ADAM9: variants seen among roughly 807,000 people sequenced by gnomAD.
ADAM9 encodes the protein disintegrin and metalloproteinase domain-containing protein 9.
A neutral mutation model predicts 108.1 loss-of-function variants in ADAM9; 54 were observed. The ratio of observed to expected loss-of-function variants is 0.50; its 90% CI spans 0.40 to 0.63. The LOEUF is 0.63. ADAM9 is among the 20% of genes least tolerant of loss of function. The probability of loss-of-function intolerance (pLI) is 0.00; values close to 1 mark genes in which losing one functional copy is unlikely to be tolerated. For synonymous variants in ADAM9, 316 were observed against 336.0 expected (o/e 0.94, Z 0.65); for missense variants, 830 against 997.7 (o/e 0.83, Z 2.26).
At chr8:39,012,088 T>C (rs571531760) in intron 3 of ADAM9, among the ~76,000 whole-genome samples, 77 of 152,188 alleles carry the variant, frequency 5.1e-4, no homozygotes, top group African/African-American at 1.8e-3. Flanking sequence ...TTAATAAAGG[T>C]AAAGGATATA....
chr8:39,089,332 C>T (rs1220823612), intron 18 of ADAM9, among the ~76,000 whole-genome samples: 2 of 152,068 alleles, frequency 1.3e-5, no homozygotes, highest in African/African-American at 2.4e-5. Flanking sequence ...TTTCACCTGC[C>T]TGGTTGGCAA....
At chr8:38,997,272 G>A (rs1835846723) in intron 1 of ADAM9, 112 bp downstream of exon 1, 5 of 1,266,160 alleles carry the variant, frequency 3.9e-6, no homozygotes, top group East Asian at 5.1e-5. Flanking sequence ...GATCGGACCC[G>A]GGGTCGGGGG....
intron 8 of ADAM9, among the ~76,000 whole-genome samples, chr8:39,022,097 T>TGTGTGTGTGTGA (rs1356591377): frequency 1.5e-5 from 2 of 136,214 alleles, no homozygotes; most frequent in African/African-American, 6.1e-5. Flanking sequence ...TGTGTGTGTG[T>TGTGTGTGTGTGA]GAGAGAGAGA....
chr8:39,077,272 T>C lies in ADAM9; in HGVS notation c.1742T>C (p.Ile581Thr). 1 of 1,614,192 alleles carries C rather than the reference T, an allele frequency of 6.2e-7. No individual in the cohort carries two copies. The highest frequency in any genetic ancestry group is 2.2e-5 in the East Asian group (1 of 44,886). The change falls in exon 16 of 22, where the codon ATA becomes ACA. Residue 581 changes from isoleucine (I) to threonine (T), a missense_variant. Physicochemically the swap from Ile to Thr is moderately conservative, Grantham distance 89. Transcript: ENST00000487273. ...GKLQCENVQE[I>T]PVFGIVPAII... Reference sequence around the variant, plus strand: ...CTTCAGTGTGAGAATGTACAAGAGATACCTGTATTTGGAATTGTGCCTGCT... The same window carrying C: ...CTTCAGTGTGAGAATGTACAAGAGACACCTGTATTTGGAATTGTGCCTGCT...
At chr8:39,038,991 C>T (rs896200694) in intron 11 of ADAM9, among the ~76,000 whole-genome samples, 4 of 151,930 alleles carry the variant, frequency 2.6e-5, no homozygotes, top group Non-Finnish European at 5.9e-5. Context: ...GTTAACAGTA[C>T]CAAAATGTTC....
rs758010022 is a variant in ADAM9, at chr8:39,077,311, C to G, written c.1781C>G (p.Pro594Arg). The G allele has an allele frequency of 6.2e-7, 1 of 1,614,034 alleles. No individual in the cohort carries two copies. The highest frequency in any genetic ancestry group is 8.5e-7 in the Non-Finnish European group (1 of 1,179,990). The change falls in exon 16 of 22, where the codon CCT (proline) becomes CGT (arginine). Residue 594 changes from proline (P) to arginine (R), a missense_variant. By Grantham distance (103) the Pro-to-Arg change is moderately radical. Around this residue, in one of 3 missense-constraint regions of ADAM9, gnomAD observed 381 missense variants for 539.8 expected, o/e 0.71. Coordinates refer to ENST00000487273, the MANE Select transcript of ADAM9 (RefSeq NM_003816.3). ...ATTGTGCCTGCTATTATTCAAACGC[C>G]TAGTCGAGGCACCAAATGTTGGGGT... ...FGIVPAIIQT[P>R]SRGTKCWGVD... is the part of the protein sequence containing the mutation.
At position 38,997,035 on chromosome 8, in the gene ADAM9, G is replaced by C; in HGVS notation, c.-29G>C. The C allele has an allele frequency of 6.2e-7, 1 of 1,603,310 alleles. No individual in the cohort carries two copies. The highest frequency in any genetic ancestry group is 8.5e-7 in the Non-Finnish European group (1 of 1,178,902). ...GAGGCGGAGGTGGAGGCGACCGAGTGCTGAGAGGAACCTGCGGAATCGGCC... is the reference window on the plus strand; with the variant it reads ...GAGGCGGAGGTGGAGGCGACCGAGTCCTGAGAGGAACCTGCGGAATCGGCC... On this transcript the variant is annotated 5_prime_UTR_variant, in exon 1 of 22. Transcript: ENST00000487273.
At chr8:39,092,608 T>A (rs1176376956) in intron 20 of ADAM9, among the ~76,000 whole-genome samples, 1 of 152,110 alleles carries the variant, frequency 6.6e-6, no homozygotes, top group Non-Finnish European at 1.5e-5. Flanking sequence ...GTTTTCAAGA[T>A]TTTTTTGTAA....
chr8:39,032,064 G>A (rs1176245629), intron 11 of ADAM9, among the ~76,000 whole-genome samples: 1 of 152,162 alleles, frequency 6.6e-6, no homozygotes, highest in Admixed American at 6.5e-5. Flanking sequence ...AGGGGCACCC[G>A]CCTGTGTGAG....
intron 4 of ADAM9, chr8:39,015,608 G>A (rs1183325069): frequency 6.5e-6 from 1 of 153,060 alleles, no homozygotes; most frequent in East Asian, 1.9e-4. Flanking sequence ...AGACTGTCAT[G>A]TATTATAATG....
chr8:39,027,959 G>A (rs533862109), intron 11 of ADAM9, among the ~76,000 whole-genome samples: 64 of 152,146 alleles, frequency 4.2e-4, no homozygotes, highest in African/African-American at 1.4e-3. Flanking sequence ...GTGTTGGTGC[G>A]TGCCTGTAGT....
intron 10 of ADAM9, among the ~76,000 whole-genome samples, 188 bp from the exon 11 acceptor site, chr8:39,026,488 TC>T (rs1484270358): frequency 1.4e-4 from 22 of 152,260 alleles, no homozygotes; most frequent in African/African-American, 5.1e-4. Flanking sequence ...TCCATGTCCA[TC>T]ACGTGTGTGA....
chr8:39,071,519 T>C (rs1838690956), intron 15 of ADAM9, 116 bp downstream of exon 15: 2 of 927,224 alleles, frequency 2.2e-6, no homozygotes, highest in Non-Finnish European at 3.2e-6. Context: ...CAGGCTGGAG[T>C]GCAGTGGCGC....
intron 1 of ADAM9, among the ~76,000 whole-genome samples, chr8:39,001,049 G>C (rs1324848166): frequency 6.6e-6 from 1 of 152,126 alleles, no homozygotes; most frequent in Non-Finnish European, 1.5e-5. Flanking sequence ...CCTTCTAGTA[G>C]TGTAGAATCT....
intron 20 of ADAM9, among the ~76,000 whole-genome samples, chr8:39,099,394 A>G (rs147034304): frequency 1.3e-5 from 2 of 152,172 alleles, no homozygotes; most frequent in African/African-American, 4.8e-5. Context: ...GTTTCAAAAT[A>G]CCTTTTAAAT....
At chr8:39,026,336 T>C (rs937537773) in intron 10 of ADAM9, among the ~76,000 whole-genome samples, 1 of 152,232 alleles carries the variant, frequency 6.6e-6, no homozygotes, top group Non-Finnish European at 1.5e-5. Context: ...CTCCCACTTA[T>C]GAGTGTAGCT....
intron 1 of ADAM9, among the ~76,000 whole-genome samples, chr8:38,999,760 AT>A (rs1225570763): frequency 3.2e-4 from 48 of 152,208 alleles, no homozygotes; most frequent in Non-Finnish European, 1.0e-4. Context: ...AACTTACCAA[AT>A]TTATATTTGC....
At chr8:39,008,330 C>T (rs1489717775) in intron 2 of ADAM9, among the ~76,000 whole-genome samples, 1 of 152,080 alleles carries the variant, frequency 6.6e-6, no homozygotes, top group Non-Finnish European at 1.5e-5. Context: ...GCCACCATGT[C>T]TGGCTAATTT....
chr8:39,055,697 C>G lies in ADAM9; in HGVS notation c.1516C>G (p.Gln506Glu), dbSNP rs780826292. The stretch of plus-strand genomic sequence containing the variant: ...TTTTATTCAGAATGGATATCCTTGC[C>G]AGAATAACAAAGCCTATTGCTACAA... ...DVFIQNGYPC[Q>E]NNKAYCYNGM... The change falls in exon 14 of 22, where the codon CAG (glutamine) becomes GAG (glutamate). Residue 506 changes from glutamine to glutamate, a missense_variant. Gln to Glu is a conservative substitution (Grantham distance 29). This residue lies in a region of ADAM9 where 381 missense variants were observed against 539.8 expected (regional missense o/e 0.71). Transcript: ENST00000487273. 28 of 1,613,608 alleles carry G rather than the reference C, an allele frequency of 1.7e-5. No individual in the cohort carries two copies. In the Admixed American group the frequency reaches 4.7e-4, roughly 27 times the overall value.
Sources: gnomAD v4.1 joint callset for allele counts (sites outside exome capture counted in the v4.1 genomes callset) on GRCh38, gnomAD v4.1.1 for gene constraint, gnomAD v4.1.1 regional missense constraint, MANE v1.5 for transcripts, NCBI Gene and HGNC (gene_info 2026-07-23, HGNC 2026-07-21) for gene names.